The following ARHGAP27 variants were observed in gnomAD, a reference collection of about 807,000 sequenced individuals.
The protein encoded by ARHGAP27 is rho GTPase-activating protein 27.
Under a neutral mutation model 102.0 loss-of-function variants are expected in ARHGAP27, and 53 were observed. That is an observed-to-expected ratio of 0.52 (90% CI 0.42 to 0.65). The LOEUF is 0.65. ARHGAP27 is among the 30% of genes least tolerant of loss of function. The pLI is 0.00. For missense variants in ARHGAP27, 1,117 were observed against 1,256.2 expected, an observed-to-expected ratio of 0.89 and a Z score of 1.68; for synonymous variants, 525 against 542.8, an observed-to-expected ratio of 0.97 and a Z score of 0.46.
At chr17:45,415,823 A>C (rs2048393628) in intron 4 of ARHGAP27, among the ~76,000 whole-genome samples, 1 of 152,184 alleles carries the variant, frequency 6.6e-6, no homozygotes, top group African/African-American at 2.4e-5. Context: ...AGGGCTCTTC[A>C]AGGGAGATTG....
At chr17:45,407,730 T>C (rs1314949649) in intron 4 of ARHGAP27, 1 of 152,074 alleles carries the variant, frequency 6.6e-6, no homozygotes, top group Non-Finnish European at 1.5e-5. Context: ...GCCAGGCTGG[T>C]CTTGAACTCC....
rs754351650 is a variant in ARHGAP27 at position 45,395,790 on chromosome 17, C to T, written c.2446G>A (p.Ala816Thr). Residue 816 changes from alanine (A) to threonine (T), a missense_variant, in exon 19 of 20, where the codon GCT becomes ACT. Ala to Thr is a moderately conservative substitution (Grantham distance 58). Coordinates refer to ENST00000685559, the MANE Select transcript of ARHGAP27 (RefSeq NM_001282290.2). ...CVRDLVRSLPAPNHDTLRMLF... is the reference protein window; with the variant it reads ...CVRDLVRSLPTPNHDTLRMLF... ...ATCCGCAGAGTGTCGTGGTTGGGAG[C>T]GGGCAGCGAGCGCACCAAGTCACGC... The T allele has an allele frequency of 3.7e-6, 6 of 1,605,110 alleles. No homozygotes were observed. The highest frequency in any genetic ancestry group is 3.4e-6 in the Non-Finnish European group (4 of 1,177,660).
rs2046755356 is a variant in ARHGAP27, at chr17:45,403,714, G to A, written c.1548-5C>T. On this transcript the variant is annotated splice_region_variant and splice_polypyrimidine_tract_variant and intron_variant, in intron 10 of 19. Coordinates refer to ENST00000685559, the MANE Select transcript of ARHGAP27 (RefSeq NM_001282290.2). ...GAGGCACTCCAGTGCTTCTTCCTAG[G>A]TGGGGGTGGGGAAGTGGGGGTGGCA... 6.2e-7 allele frequency: 1 copy of A among 1,609,598 alleles called. No individual in the cohort carries two copies.
At chr17:45,419,189 A>T (rs1486662835) in intron 4 of ARHGAP27, among the ~76,000 whole-genome samples, 1 of 150,304 alleles carries the variant, frequency 6.7e-6, no homozygotes, top group Non-Finnish European at 1.5e-5. Flanking sequence ...TGTCAGTGAA[A>T]GGTCACAGGA....
chr17:45,415,049 AG>A (rs2048322846), intron 4 of ARHGAP27, among the ~76,000 whole-genome samples: 1 of 146,464 alleles, frequency 6.8e-6, no homozygotes, highest in Non-Finnish European at 1.5e-5. Flanking sequence ...GGTGACAGAG[AG>A]AGAGTCCATC....
chr17:45,396,289 G>A lies in ARHGAP27; in HGVS notation c.2174-5C>T. On this transcript the variant is annotated splice_region_variant and splice_polypyrimidine_tract_variant and intron_variant, in intron 16 of 19. Transcript: ENST00000685559. ...ACAGCCCGTCGATGTCCAGCCCTGG[G>A]CCAGAGGGAGGCGCTGATCCCGGGT... 6.2e-7 allele frequency: 1 copy of A among 1,608,642 alleles called. No homozygotes were observed. The highest frequency in any genetic ancestry group is 8.5e-7 in the Non-Finnish European group (1 of 1,177,962).
At chr17:45,408,305 T>C (rs1184173802) in intron 4 of ARHGAP27, 1 of 152,232 alleles carries the variant, frequency 6.6e-6, no homozygotes, top group Non-Finnish European at 1.5e-5. Flanking sequence ...AATCCTTCCC[T>C]GGCAGAGCTG....
chr17:45,430,049 C>CGCG lies in ARHGAP27; in HGVS notation c.228_230dup (p.Ala77dup). ...CGGGGCTCGGGTGGGGACCTGGCGG[C>CGCG]GCGGCGGCGGCAGGGTTGCCCAGCG... is the stretch of plus-strand genomic sequence containing the variant. On this transcript the variant is annotated inframe_insertion, in exon 4 of 20. Transcript: ENST00000685559. This position sits in a 1 kb window ranked among gnomAD's most constrained non-coding sequence, Gnocchi z 4.4. The CGCG allele has an allele frequency of 1.6e-6, 2 of 1,264,570 alleles. No homozygotes were observed. The highest frequency in any genetic ancestry group is 2.0e-6 in the Non-Finnish European group (2 of 1,007,404). 78.3% of individuals were successfully genotyped at this position (1,264,570 alleles called of 1,614,324 possible). A position where few individuals can be genotyped will look rare whatever the true frequency, so the allele number is the denominator to read the frequency against.
Position 45,396,660 on chromosome 17 carries a change from T to C in ARHGAP27, c.2074+8A>G. On this transcript the variant is annotated splice_region_variant and intron_variant, in intron 15 of 19. Coordinates refer to ENST00000685559, the MANE Select transcript of ARHGAP27 (RefSeq NM_001282290.2). ...CCCGGGTCCCCGCCCCCCGCAGGCC[T>C]CGGGTACCTTTGATGTAGCCCTTCT... is the stretch of plus-strand genomic sequence containing the variant. 1 of 1,613,506 alleles carries C rather than the reference T, an allele frequency of 6.2e-7. No individual in the cohort carries two copies.
chr17:45,404,341 G>A lies in ARHGAP27; in HGVS notation c.1414-7C>T, dbSNP rs779639849. 1 of 1,613,958 alleles carries A rather than the reference G, an allele frequency of 6.2e-7. No homozygotes were observed. The highest frequency in any genetic ancestry group is 1.1e-5 in the South Asian group (1 of 91,078). On this transcript the variant is annotated splice_polypyrimidine_tract_variant and splice_region_variant and intron_variant, in intron 8 of 19. Coordinates refer to ENST00000685559, the MANE Select transcript of ARHGAP27 (RefSeq NM_001282290.2). ...CATCCAGCTCTGCTGGGACCTATGG[G>A]GGAAGACAGATAGATCCCACCAAGT...
At chr17:45,428,813 C>T (rs1055316042) in intron 4 of ARHGAP27, among the ~76,000 whole-genome samples, 2 of 152,060 alleles carry the variant, frequency 1.3e-5, no homozygotes, top group Non-Finnish European at 2.9e-5. Context: ...ATCTTTTTTT[C>T]CCCTCGGGCT....
chr17:45,428,856 T>C (rs896634126), intron 4 of ARHGAP27, among the ~76,000 whole-genome samples: 1 of 152,176 alleles, frequency 6.6e-6, no homozygotes, highest in Non-Finnish European at 1.5e-5. Context: ...AAGTTCAAAA[T>C]GTCAGGGTCG....
chr17:45,407,069 A>C (rs1463012021), intron 4 of ARHGAP27, among the ~76,000 whole-genome samples: 5 of 152,030 alleles, frequency 3.3e-5, no homozygotes, highest in Non-Finnish European at 7.4e-5. Flanking sequence ...CCTGATTCAC[A>C]CCTCAGAGCT....
Position 45,405,109 on chromosome 17 carries a change from G to T in ARHGAP27, c.1066-3C>A. 1 of 1,568,438 alleles carries T rather than the reference G, an allele frequency of 6.4e-7. No homozygotes were observed. The highest frequency in any genetic ancestry group is 8.7e-7 in the Non-Finnish European group (1 of 1,155,574). ...TAGTCCGTCTCGGGAGTGGGGGGCTGCGGGGAACAGAAGGTGGAGTCAGAG... is the reference window on the plus strand; with the variant it reads ...TAGTCCGTCTCGGGAGTGGGGGGCTTCGGGGAACAGAAGGTGGAGTCAGAG... On this transcript the variant is annotated splice_region_variant and splice_polypyrimidine_tract_variant and intron_variant, in intron 5 of 19. Coordinates refer to ENST00000685559, the MANE Select transcript of ARHGAP27 (RefSeq NM_001282290.2).
At chr17:45,405,367 G>A (rs1439426121) in intron 5 of ARHGAP27, among the ~76,000 whole-genome samples, 2 of 151,832 alleles carry the variant, frequency 1.3e-5, no homozygotes, top group East Asian at 3.9e-4. Flanking sequence ...AGAAACAGGA[G>A]GCGGGGTCAG....
intron 4 of ARHGAP27, among the ~76,000 whole-genome samples, chr17:45,416,230 T>A (rs1283040099): frequency 6.6e-6 from 1 of 151,676 alleles, no homozygotes; most frequent in Non-Finnish European, 1.5e-5. Context: ...GTATTTTTTT[T>A]TTTTTAGTAG....
At chr17:45,416,465 CTCTT>C (rs907903097) in intron 4 of ARHGAP27, among the ~76,000 whole-genome samples, 40 of 151,644 alleles carry the variant, frequency 2.6e-4, no homozygotes, top group Non-Finnish European at 5.2e-4. Flanking sequence ...TTCTCTCTCT[CTCTT>C]TTTTTTTTTT....
chr17:45,402,847 A>T (rs1161618344), intron 11 of ARHGAP27, 29 bp from the exon 12 acceptor site: 1 of 1,569,534 alleles, frequency 6.4e-7, no homozygotes, highest in South Asian at 1.1e-5. Context: ...GGTCACAGGG[A>T]GCCCTCAGTT....
chr17:45,421,865 G>T (rs1380053600), intron 4 of ARHGAP27, among the ~76,000 whole-genome samples: 1 of 152,162 alleles, frequency 6.6e-6, no homozygotes, highest in Admixed American at 6.5e-5. Context: ...GTCAGCTTGG[G>T]TTTAAAAATA....
Sources: allele counts gnomAD v4.1 joint callset (sites outside exome capture counted in the v4.1 genomes callset), GRCh38; gene constraint gnomAD v4.1.1; non-coding constraint Gnocchi (gnomAD v3.1); transcripts MANE v1.5; gene names NCBI Gene and HGNC (gene_info 2026-07-23, HGNC 2026-07-21).